SYT17: variants seen among roughly 807,000 people sequenced by gnomAD.
SYT17 encodes synaptotagmin 17.
Under a neutral mutation model 46.7 loss-of-function variants are expected in SYT17, and 22 were observed. The observed-to-expected ratio is 0.47, with a 90% CI of 0.34 to 0.67. The LOEUF (loss-of-function observed/expected upper bound fraction) is 0.67, where lower values mean the gene tolerates loss of function less well. SYT17 is among the 30% of genes least tolerant of loss of function. The pLI, the probability that SYT17 is intolerant of heterozygous loss-of-function variation, is 0.01. For synonymous variants in SYT17, 251 were observed against 248.4 expected, an observed-to-expected ratio of 1.01 and a Z score of -0.10; for missense variants, 519 against 612.8, an observed-to-expected ratio of 0.85 and a Z score of 1.62.
chr16:19,221,672 C>T (rs562524481), intron 5 of SYT17, among the ~76,000 whole-genome samples: 6 of 151,858 alleles, frequency 4.0e-5, no homozygotes, highest in East Asian at 3.9e-4. Flanking sequence ...GTTCTAGAGC[C>T]GCTGGGTATT....
chr16:19,205,185 G>T (rs1250567345), intron 5 of SYT17, among the ~76,000 whole-genome samples: 1 of 152,112 alleles, frequency 6.6e-6, no homozygotes, highest in Non-Finnish European at 1.5e-5. Context: ...ATGGCTTCCT[G>T]TCTCATTCAA....
At chr16:19,253,712 G>A in intron 7 of SYT17, among the ~76,000 whole-genome samples, 1 of 152,044 alleles carries the variant, frequency 6.6e-6, no homozygotes, top group Non-Finnish European at 1.5e-5. Context: ...AACACCTCTG[G>A]ACTCTCTTTC....
intron 5 of SYT17, among the ~76,000 whole-genome samples, chr16:19,209,132 G>T (rs1472672340): frequency 6.6e-6 from 1 of 151,946 alleles, no homozygotes; most frequent in Non-Finnish European, 1.5e-5. Context: ...GCCTCTTAAA[G>T]TGATGGGATT....
intron 5 of SYT17, among the ~76,000 whole-genome samples, chr16:19,196,939 G>C (rs1332307914): frequency 6.6e-6 from 1 of 152,114 alleles, no homozygotes; most frequent in Non-Finnish European, 1.5e-5. Context: ...AAACTGCCTG[G>C]AGTTACAAAC....
chr16:19,217,259 C>T (rs1966131036), intron 5 of SYT17, among the ~76,000 whole-genome samples: 1 of 151,836 alleles, frequency 6.6e-6, no homozygotes, highest in Non-Finnish European at 1.5e-5. Flanking sequence ...GGTGTGCAAC[C>T]ATCACCTCTA....
At chr16:19,252,046 C>T (rs1381744127) in intron 7 of SYT17, among the ~76,000 whole-genome samples, 1 of 151,812 alleles carries the variant, frequency 6.6e-6, no homozygotes, top group East Asian at 2.0e-4. Flanking sequence ...CCCGTCTCCA[C>T]TAAAAATACA....
chr16:19,209,520 G>A (rs1422364753), intron 5 of SYT17, among the ~76,000 whole-genome samples: 1 of 152,118 alleles, frequency 6.6e-6, no homozygotes, highest in Non-Finnish European at 1.5e-5. Flanking sequence ...AGTGTGAAAT[G>A]CAGCTTGTCA....
intron 5 of SYT17, among the ~76,000 whole-genome samples, chr16:19,184,917 G>A (rs1964722217): frequency 6.6e-6 from 1 of 152,170 alleles, no homozygotes; most frequent in Non-Finnish European, 1.5e-5. Flanking sequence ...GTCCAGCCCA[G>A]GGAAATGTGG....
At chr16:19,254,504 T>A (rs576033785) in intron 7 of SYT17, among the ~76,000 whole-genome samples, 2 of 152,276 alleles carry the variant, frequency 1.3e-5, no homozygotes, top group South Asian at 4.1e-4. Flanking sequence ...TATTATCCCC[T>A]AAAGACAAAA....
At position 19,256,437 on chromosome 16, in the gene SYT17, AACACAC is replaced by A. The variant is rs57120408; in HGVS notation, c.1229-10404_1229-10399del. On this transcript the variant is annotated intron_variant, in intron 7 of 7. Coordinates refer to ENST00000355377, the MANE Select transcript of SYT17 (RefSeq NM_016524.4). ...TGGTTGAGGTTTTAACCCCTCTTCA[AACACAC>A]ACACACACACACACACACACACACA... is the stretch of plus-strand genomic sequence containing the variant. Among the ~76,000 whole-genome samples the A allele has an allele frequency of 9.7e-3, 1,246 of 129,020 alleles. 17 individuals are homozygous for A. Among genetic ancestry groups the A allele is most frequent in the South Asian group, 0.035 (121 of 3,458 alleles). 84.6% of individuals were successfully genotyped at this position (129,020 alleles called of 152,430 possible). A position where few individuals can be genotyped will look rare whatever the true frequency, so the allele number is the denominator to read the frequency against.
intron 7 of SYT17, among the ~76,000 whole-genome samples, chr16:19,266,260 G>C (rs544017712): frequency 4.3e-4 from 65 of 152,344 alleles, no homozygotes; most frequent in African/African-American, 1.5e-3. Context: ...GTTCCCGTTT[G>C]GGATGCATTG....
intron 7 of SYT17, among the ~76,000 whole-genome samples, chr16:19,227,224 T>C (rs1966528150): frequency 6.6e-6 from 1 of 152,156 alleles, no homozygotes; most frequent in Non-Finnish European, 1.5e-5. Flanking sequence ...AGTGTTTTCC[T>C]TTTTTCTCCC....
intron 7 of SYT17, among the ~76,000 whole-genome samples, chr16:19,263,971 G>A (rs1471741583): frequency 6.6e-6 from 1 of 152,196 alleles, no homozygotes; most frequent in African/African-American, 2.4e-5. Flanking sequence ...GATGGCATTA[G>A]GAGGCGGGAC....
At chr16:19,190,526 C>T (rs1964969412) in intron 5 of SYT17, among the ~76,000 whole-genome samples, 1 of 152,170 alleles carries the variant, frequency 6.6e-6, no homozygotes. Context: ...AGAACTCTTG[C>T]AAAACTGAAA....
intron 5 of SYT17, among the ~76,000 whole-genome samples, chr16:19,220,866 G>A (rs950957205): frequency 6.6e-6 from 1 of 152,082 alleles, no homozygotes; most frequent in African/African-American, 2.4e-5. Flanking sequence ...GACAGGCCAG[G>A]GTGATCAGAC....
chr16:19,192,854 G>A (rs976463562), intron 5 of SYT17, among the ~76,000 whole-genome samples: 4 of 152,172 alleles, frequency 2.6e-5, no homozygotes, highest in African/African-American at 4.8e-5. Context: ...ACAAGCATCC[G>A]AATCAGGTGG....
chr16:19,218,579 C>T (rs1175652119), intron 5 of SYT17, among the ~76,000 whole-genome samples: 2 of 152,146 alleles, frequency 1.3e-5, no homozygotes, highest in African/African-American at 4.8e-5. Context: ...CAGGAAGTGC[C>T]TTGTTGAAGG....
chr16:19,257,493 G>T (rs920103915), intron 7 of SYT17, among the ~76,000 whole-genome samples: 3 of 152,118 alleles, frequency 2.0e-5, no homozygotes, highest in African/African-American at 7.2e-5. Context: ...GCAAAAGTTG[G>T]AAAGACAATG....
chr16:19,211,889 A>C (rs958592511), intron 5 of SYT17, among the ~76,000 whole-genome samples: 4 of 151,960 alleles, frequency 2.6e-5, no homozygotes, highest in Admixed American at 6.6e-5. Context: ...GCCTCCCAAA[A>C]TGCTGGGATT....
Sources: gnomAD v4.1 joint callset for allele counts (sites outside exome capture counted in the v4.1 genomes callset) on GRCh38, gnomAD v4.1.1 for gene constraint, MANE v1.5 for transcripts, NCBI Gene and HGNC (gene_info 2026-07-23, HGNC 2026-07-21) for gene names.